The following KAZN variants were observed in gnomAD, a reference collection of about 807,000 sequenced individuals.
KAZN encodes kazrin, periplakin interacting protein, also known as kazrin.
Under a neutral mutation model 87.4 loss-of-function variants are expected in KAZN, and 40 were observed. That is an observed-to-expected ratio of 0.46 (90% CI 0.36 to 0.60). The LOEUF (loss-of-function observed/expected upper bound fraction) is 0.60, where lower values mean the gene tolerates loss of function less well. Ranked by LOEUF, KAZN falls within the 20% of genes least tolerant of loss-of-function variation. The pLI is 0.00. For synonymous variants in KAZN, 466 were observed against 458.3 expected, an observed-to-expected ratio of 1.02 and a Z score of -0.22; for missense variants, 898 against 1,073.9, an observed-to-expected ratio of 0.84 and a Z score of 2.29.
At chr1:14,469,068 A>G (rs1229372385) in intron 2 of KAZN, among the ~76,000 whole-genome samples, 1 of 152,210 alleles carries the variant, frequency 6.6e-6, no homozygotes, top group Non-Finnish European at 1.5e-5. Context: ...CCCTTCATCC[A>G]GATCTTTCTT....
intron 1 of KAZN, chr1:14,124,263 A>T (rs1220303350): frequency 1.3e-5 from 2 of 152,184 alleles, no homozygotes; most frequent in Admixed American, 1.3e-4. Context: ...GAATTGGTGT[A>T]ACATTCTTAC....
rs1048660526 is a variant in KAZN, at chr1:15,094,328, G to A, written c.1371G>A (p.Val457=). The part of the protein sequence containing the change: ...KAGTVQAWLE[V]VMAMPMYVKA... ...GCACCGTCCAGGCCTGGCTGGAGGTGGTGATGGCCATGCCTATGTACGTCA... is the reference window on the plus strand; with the variant it reads ...GCACCGTCCAGGCCTGGCTGGAGGTAGTGATGGCCATGCCTATGTACGTCA... Residue 457 remains valine (V), a synonymous_variant, in exon 9 of 15, where the codon GTG becomes GTA. Coordinates refer to ENST00000376030, the MANE Select transcript of KAZN (RefSeq NM_201628.3). The surrounding 1 kb of genome is among the most constrained non-coding windows in gnomAD (Gnocchi z 4.5). 1 of 1,613,808 alleles carries A rather than the reference G, an allele frequency of 6.2e-7. No individual in the cohort carries two copies. The highest frequency in any genetic ancestry group is 1.3e-5 in the African/African-American group (1 of 74,938).
intron 1 of KAZN, among the ~76,000 whole-genome samples, chr1:13,947,190 A>G (rs531764325): frequency 7.2e-5 from 11 of 152,300 alleles, no homozygotes; most frequent in Admixed American, 7.2e-4. Context: ...GAAACTCACG[A>G]TCATGGCAGA....
At chr1:15,112,329 ATGTGTGTGTGTGTGTGTG>A (rs58658629) in intron 13 of KAZN, 80 bp from the exon 14 acceptor site, 1,067 of 633,396 alleles carry the variant, frequency 1.7e-3, no homozygotes, top group African/African-American at 2.5e-3. Context: ...ATTGTCACCA[ATGTGTGTGTGTGTGTGTG>A]TGTGTGTGTG....
At chr1:14,362,436 A>G (rs988428599) in intron 2 of KAZN, among the ~76,000 whole-genome samples, 1 of 152,218 alleles carries the variant, frequency 6.6e-6, no homozygotes, top group Non-Finnish European at 1.5e-5. Flanking sequence ...TATGTGACAC[A>G]ATCATGGAAG....
intron 1 of KAZN, among the ~76,000 whole-genome samples, chr1:14,679,027 CTT>C (rs1640410544): frequency 6.6e-6 from 1 of 152,234 alleles, no homozygotes; most frequent in African/African-American, 2.4e-5. Flanking sequence ...AATGCACAGA[CTT>C]TACCTTTTGC....
chr1:14,571,719 C>T (rs1674876320), intron 2 of KAZN, among the ~76,000 whole-genome samples: 1 of 152,142 alleles, frequency 6.6e-6, no homozygotes, highest in Admixed American at 6.5e-5. Flanking sequence ...GACTCCGGGC[C>T]AGGGTGAATG....
At chr1:14,382,462 T>TCCCCCCG (rs1310065402) in intron 2 of KAZN, among the ~76,000 whole-genome samples, 1 of 48,942 alleles carries the variant, frequency 2.0e-5, no homozygotes, top group African/African-American at 9.8e-5. Flanking sequence ...ATGCTATCCC[T>TCCCCCCG]CCCCCCTCCC....
chr1:14,141,385 C>T (rs748074920), intron 1 of KAZN, among the ~76,000 whole-genome samples: 8 of 152,144 alleles, frequency 5.3e-5, no homozygotes, highest in East Asian at 3.9e-4. Context: ...CCGACGCCCA[C>T]CTGTTGACAT....
At chr1:14,632,418 C>T (rs1679635766) in intron 1 of KAZN, among the ~76,000 whole-genome samples, 1 of 152,064 alleles carries the variant, frequency 6.6e-6, no homozygotes, top group African/African-American at 2.4e-5. Flanking sequence ...TCAGAAAACG[C>T]TTCTATGGTA....
At chr1:14,819,871 C>A (rs1646687563) in intron 1 of KAZN, among the ~76,000 whole-genome samples, 1 of 151,858 alleles carries the variant, frequency 6.6e-6, no homozygotes, top group East Asian at 1.9e-4. Context: ...CCACACCTGG[C>A]TAATTTTTAA....
At chr1:13,898,984 A>G (rs959298662) in intron 1 of KAZN, among the ~76,000 whole-genome samples, 1 of 152,240 alleles carries the variant, frequency 6.6e-6, no homozygotes, top group Non-Finnish European at 1.5e-5. Context: ...TGCAAAAGTT[A>G]AACAGACGAA....
At chr1:15,098,761 C>G (rs1640908751) in intron 10 of KAZN, among the ~76,000 whole-genome samples, 2 of 152,258 alleles carry the variant, frequency 1.3e-5, no homozygotes, top group South Asian at 4.1e-4. Flanking sequence ...AGTTCAGGAG[C>G]TCCAGCTGGG....
chr1:14,928,819 C>T (rs78308833), intron 1 of KAZN, among the ~76,000 whole-genome samples: 1,980 of 152,282 alleles, frequency 0.013, 60 homozygotes, highest in African/African-American at 0.045. Context: ...AGGGTGAAAG[C>T]CACTGCTGAG....
chr1:14,871,621 G>A (rs1652139650), intron 1 of KAZN, among the ~76,000 whole-genome samples: 1 of 151,312 alleles, frequency 6.6e-6, no homozygotes, highest in Non-Finnish European at 1.5e-5. Flanking sequence ...ATCACCTGCA[G>A]TGAGCCTGAG....
rs74058883 is a variant in KAZN, at chr1:14,773,304, C to A, written c.226+174081C>A. On this transcript the variant is annotated intron_variant, in intron 1 of 14. Coordinates refer to ENST00000376030, the MANE Select transcript of KAZN (RefSeq NM_201628.3). This position sits in a 1 kb window ranked among gnomAD's most constrained non-coding sequence, Gnocchi z 5.9. ...ACTGTGGCACACAGTGGTGGCCTGG[C>A]GTATGAGAAGACCACCCCCCACCCA... 5.3e-5 allele frequency among the ~76,000 whole-genome samples: 8 copies of A among 152,002 alleles called. No individual in the cohort carries two copies. Among genetic ancestry groups the A allele is most frequent in the African/African-American group, 1.9e-4 (8 of 41,370 alleles).
Position 14,599,060 on chromosome 1 carries a change from G to A in KAZN, c.63G>A (p.Gln21=). 10 of 1,563,600 alleles carry A rather than the reference G, an allele frequency of 6.4e-6. No homozygotes were observed. Among genetic ancestry groups the A allele is most frequent in the Non-Finnish European group, 8.6e-6 (10 of 1,159,506 alleles). Residue 21 remains glutamine, a synonymous_variant, in exon 1 of 15, where the codon CAG becomes CAA. Coordinates refer to ENST00000376030, the MANE Select transcript of KAZN (RefSeq NM_201628.3). The surrounding 1 kb of genome is among the most constrained non-coding windows in gnomAD (Gnocchi z 4.4). The part of the protein sequence containing the change: ...RIDGAVQSAS[Q]EVTNLRAELT... ...ATGGGGCGGTCCAGTCGGCCAGCCA[G>A]GAGGTGACCAACCTGCGAGCCGAAC...
At chr1:14,983,924 A>G (rs1277283908) in intron 2 of KAZN, among the ~76,000 whole-genome samples, 1 of 152,138 alleles carries the variant, frequency 6.6e-6, no homozygotes, top group Non-Finnish European at 1.5e-5. Flanking sequence ...CCTGGGCAAC[A>G]AGAACAAAAC....
At chr1:14,567,962 A>G (rs1263994029) in intron 2 of KAZN, among the ~76,000 whole-genome samples, 1 of 152,324 alleles carries the variant, frequency 6.6e-6, no homozygotes, top group East Asian at 1.9e-4. Flanking sequence ...AGTATGACAA[A>G]GACTTATGAA....
Sources: allele counts gnomAD v4.1 joint callset (sites outside exome capture counted in the v4.1 genomes callset), GRCh38; gene constraint gnomAD v4.1.1; non-coding constraint Gnocchi (gnomAD v3.1); transcripts MANE v1.5; gene names NCBI Gene and HGNC (gene_info 2026-07-23, HGNC 2026-07-21).